CWF19L2: variants seen among roughly 807,000 people sequenced by gnomAD.
The protein encoded by CWF19L2 is CWF19-like protein 2.
CWF19L2 carries 98 observed loss-of-function variants against 111.7 expected under a neutral mutation model. That is an observed-to-expected ratio of 0.88 (90% CI 0.75 to 1.04). The LOEUF (loss-of-function observed/expected upper bound fraction) is 1.04. Ranked by LOEUF, CWF19L2 falls within the 50% of genes least tolerant of loss-of-function variation. The pLI is 0.00. For synonymous variants in CWF19L2, 351 were observed against 342.9 expected, an observed-to-expected ratio of 1.02 and a Z score of -0.26; for missense variants, 1,101 against 1,051.4, an observed-to-expected ratio of 1.05 and a Z score of -0.65.
intron 3 of CWF19L2, among the ~76,000 whole-genome samples, chr11:107,444,184 T>G (rs1861671182): frequency 6.6e-6 from 1 of 151,942 alleles, no homozygotes; most frequent in African/African-American, 2.4e-5. Context: ...CCGGCTTCCA[T>G]TCTCAGATGA....
intron 10 of CWF19L2, among the ~76,000 whole-genome samples, chr11:107,411,724 A>T (rs1861159515): frequency 6.6e-6 from 1 of 152,182 alleles, no homozygotes; most frequent in South Asian, 2.1e-4. Flanking sequence ...GCTCTCATAC[A>T]TTTAATGCCC....
chr11:107,334,364 C>T (rs1175055005), intron 16 of CWF19L2, among the ~76,000 whole-genome samples: 3 of 152,088 alleles, frequency 2.0e-5, no homozygotes, highest in Admixed American at 2.0e-4. Context: ...AAAGATTAAA[C>T]TATGAGGTAT....
rs529238133 is a variant in CWF19L2 at position 107,348,878 on chromosome 11, A to G, written c.2202+59T>C. ...GTTATACCTATTGGAATTTATCACA[A>G]TAATTTACAAAAATTGCTCATGAGT... On this transcript the variant is annotated intron_variant, in intron 14 of 17. Transcript: ENST00000282251. The G allele has an allele frequency of 3.1e-6, 3 of 953,740 alleles. No homozygotes were observed. In the African/African-American group the frequency reaches 4.9e-5, roughly 16 times the overall value. The allele number at this position is 953,740 out of a possible 1,614,324, so 59.1% of individuals were successfully genotyped here. A position where few individuals can be genotyped will look rare whatever the true frequency, so the allele number is the denominator to read the frequency against.
intron 4 of CWF19L2, 86 bp from the exon 5 acceptor site, chr11:107,441,708 T>A: frequency 2.3e-6 from 3 of 1,329,536 alleles, no homozygotes; most frequent in Non-Finnish European, 2.9e-6. Flanking sequence ...CACTTGGTAA[T>A]AAGAGCAGGG....
At chr11:107,392,922 T>G in intron 10 of CWF19L2, 27 bp from the exon 11 acceptor site, 1 of 1,309,532 alleles carries the variant, frequency 7.6e-7, no homozygotes, top group Non-Finnish European at 1.1e-6. Context: ...AGATAACTAT[T>G]GAAATTATTG....
intron 6 of CWF19L2, among the ~76,000 whole-genome samples, chr11:107,434,885 C>T (rs1326149472): frequency 1.3e-5 from 2 of 151,832 alleles, no homozygotes; most frequent in African/African-American, 4.8e-5. Context: ...AAACTGTGTG[C>T]TGAGTACACA....
At chr11:107,360,213 T>G (rs540400292) in intron 12 of CWF19L2, among the ~76,000 whole-genome samples, 2 of 152,380 alleles carry the variant, frequency 1.3e-5, no homozygotes, top group South Asian at 2.1e-4. Context: ...CATGTGATAT[T>G]TGTCTTTCTG....
chr11:107,371,935 G>C (rs1316455911), intron 12 of CWF19L2, among the ~76,000 whole-genome samples: 1 of 137,104 alleles, frequency 7.3e-6, no homozygotes, highest in Non-Finnish European at 1.6e-5. Flanking sequence ...CCTTTTTTGT[G>C]CTTGTTTTTT....
intron 8 of CWF19L2, 136 bp downstream of exon 8, chr11:107,428,663 G>T: frequency 1.4e-6 from 1 of 709,010 alleles, no homozygotes; most frequent in Non-Finnish European, 2.3e-6. Context: ...TGTTAAATCT[G>T]CATATCTTAC....
intron 12 of CWF19L2, among the ~76,000 whole-genome samples, chr11:107,357,176 G>T (rs186505855): frequency 1.6e-4 from 24 of 152,320 alleles, no homozygotes; most frequent in African/African-American, 5.8e-4. Context: ...ATACAAAACT[G>T]CAGTGTCTGG....
intron 14 of CWF19L2, 131 bp from the exon 15 acceptor site, chr11:107,336,844 A>T: frequency 1.8e-6 from 1 of 562,166 alleles, no homozygotes; most frequent in South Asian, 2.6e-5. Flanking sequence ...AATAAATAAA[A>T]TAAACAGTAA....
At chr11:107,404,722 G>A (rs1861054208) in intron 10 of CWF19L2, 2 of 309,578 alleles carry the variant, frequency 6.5e-6, no homozygotes, top group African/African-American at 4.3e-5. Context: ...GTATTGATAG[G>A]ACCTAGCACA....
intron 12 of CWF19L2, among the ~76,000 whole-genome samples, chr11:107,379,525 A>C (rs915198063): frequency 2.6e-5 from 4 of 152,258 alleles, no homozygotes; most frequent in African/African-American, 9.6e-5. Context: ...TGTATCCACT[A>C]ATAACAACCA....
At chr11:107,350,012 T>C (rs1259493698) in intron 13 of CWF19L2, among the ~76,000 whole-genome samples, 1 of 152,024 alleles carries the variant, frequency 6.6e-6, no homozygotes, top group Admixed American at 6.6e-5. Context: ...AAATAAGTTG[T>C]AATAAAATTC....
At chr11:107,453,486 T>C (rs567833047) in intron 3 of CWF19L2, among the ~76,000 whole-genome samples, 2 of 151,678 alleles carry the variant, frequency 1.3e-5, no homozygotes, top group Admixed American at 6.6e-5. Context: ...AGCTCAGCCA[T>C]AGCTGGTAAC....
chr11:107,413,824 T>C (rs988801917), intron 10 of CWF19L2, among the ~76,000 whole-genome samples: 3 of 152,222 alleles, frequency 2.0e-5, no homozygotes, highest in African/African-American at 7.2e-5. Flanking sequence ...AAGAAAATTC[T>C]AGGGAAGTTG....
intron 3 of CWF19L2, among the ~76,000 whole-genome samples, chr11:107,452,092 A>G (rs556340091): frequency 6.6e-5 from 10 of 152,286 alleles, no homozygotes; most frequent in Non-Finnish European, 1.0e-4. Context: ...ATAAGGCAAC[A>G]ACAATTAACA....
chr11:107,446,872 T>C (rs1414931955), intron 3 of CWF19L2, among the ~76,000 whole-genome samples: 1 of 152,236 alleles, frequency 6.6e-6, no homozygotes, highest in African/African-American at 2.4e-5. Flanking sequence ...GTTCTCTTGC[T>C]AATTTTAGTT....
intron 8 of CWF19L2, among the ~76,000 whole-genome samples, chr11:107,420,910 TAAGG>T (rs1388175851): frequency 6.6e-6 from 1 of 152,026 alleles, no homozygotes; most frequent in East Asian, 1.9e-4. Context: ...TCAGCAAGCA[TAAGG>T]AAGACCTGAA....
Sources: allele counts gnomAD v4.1 joint callset (sites outside exome capture counted in the v4.1 genomes callset), GRCh38; gene constraint gnomAD v4.1.1; transcripts MANE v1.5; gene names NCBI Gene and HGNC (gene_info 2026-07-23, HGNC 2026-07-21).